The following HIVEP1 variants were observed in gnomAD, a reference collection of about 807,000 sequenced individuals.
The protein encoded by HIVEP1 is zinc finger protein 40.
A neutral mutation model predicts 180.0 loss-of-function variants in HIVEP1; 36 were observed. That is an observed-to-expected ratio of 0.20 (90% CI 0.15 to 0.26). HIVEP1 has a LOEUF of 0.26. Among genes scored for constraint, HIVEP1 ranks in the 10% least tolerant of loss-of-function variants. The pLI is 1.00. For synonymous variants in HIVEP1, 1,239 were observed against 1,239.0 expected, an observed-to-expected ratio of 1.00 and a Z score of 0.00; for missense variants, 3,143 against 3,268.7, an observed-to-expected ratio of 0.96 and a Z score of 0.94.
At chr6:12,145,755 G>C (rs981797870) in intron 7 of HIVEP1, among the ~76,000 whole-genome samples, 3 of 152,040 alleles carry the variant, frequency 2.0e-5, no homozygotes, top group Non-Finnish European at 4.4e-5. Flanking sequence ...ACTTGTGTGC[G>C]TGTTTATTAT....
the HIVEP1 span, among the ~76,000 whole-genome samples, chr6:12,200,269 T>C: frequency 6.6e-6 from 1 of 152,192 alleles, no homozygotes; most frequent in Non-Finnish European, 1.5e-5. Context: ...CCAAAGTTAC[T>C]ACCCCTTCCC....
At chr6:12,008,406 G>C (rs567811440), upstream of HIVEP1, 1 of 152,336 alleles carries the variant, frequency 6.6e-6, no homozygotes, top group South Asian at 2.1e-4. Flanking sequence ...GAGGGAAAAT[G>C]AATCTAATGT....
In HIVEP1 at chr6:12,120,438, TCAC is replaced by T. The variant is rs1182961217; in HGVS notation, c.645_647del (p.Pro216del). On this transcript the variant is annotated inframe_deletion, in exon 4 of 9. Coordinates refer to ENST00000379388, the MANE Select transcript of HIVEP1 (RefSeq NM_002114.4). Reference sequence around the variant, plus strand: ...ACTGAGCACCTTGTCACAAAAGGGCTCACCTTGTGCAATTAAGACAGAAAAACT... The same window carrying T: ...ACTGAGCACCTTGTCACAAAAGGGCTCTTGTGCAATTAAGACAGAAAAACT... 8 of 1,613,986 alleles carry T rather than the reference TCAC, an allele frequency of 5.0e-6. No individual in the cohort carries two copies. In the South Asian group the frequency reaches 8.8e-5, roughly 18 times the overall value.
At chr6:12,042,329 C>T (rs1769822333) in intron 2 of HIVEP1, among the ~76,000 whole-genome samples, 1 of 149,948 alleles carries the variant, frequency 6.7e-6, no homozygotes, top group Admixed American at 6.6e-5. Context: ...GATCCACCCG[C>T]CTCGGCCTCC....
the HIVEP1 span, among the ~76,000 whole-genome samples, chr6:12,199,827 C>G: frequency 6.6e-6 from 1 of 152,226 alleles, no homozygotes; most frequent in African/African-American, 2.4e-5. Context: ...TAGTACAGAG[C>G]CTAACCTTTG....
chr6:12,027,305 A>G (rs79745010), intron 2 of HIVEP1, among the ~76,000 whole-genome samples: 1,690 of 152,326 alleles, frequency 0.011, 12 homozygotes, highest in Non-Finnish European at 0.02. Context: ...TTAGTATGTG[A>G]GGGTCCGCTG....
chr6:12,194,168 A>G, the HIVEP1 span, among the ~76,000 whole-genome samples: 1 of 152,214 alleles, frequency 6.6e-6, no homozygotes, highest in African/African-American at 2.4e-5. Flanking sequence ...ATTTTAAAAT[A>G]GTGGATTGAA....
chr6:12,151,133 A>G (rs1759679666), intron 7 of HIVEP1, among the ~76,000 whole-genome samples: 1 of 152,260 alleles, frequency 6.6e-6, no homozygotes, highest in African/African-American at 2.4e-5. Flanking sequence ...AAATGTATCA[A>G]AACTTTGACA....
chr6:12,065,958 T>C (rs1056952423), intron 2 of HIVEP1, among the ~76,000 whole-genome samples: 1 of 152,108 alleles, frequency 6.6e-6, no homozygotes, highest in Non-Finnish European at 1.5e-5. Flanking sequence ...CAGTAGGGCC[T>C]GAAGTGCGAG....
chr6:12,067,077 C>G (rs1374078799), intron 2 of HIVEP1, among the ~76,000 whole-genome samples: 1 of 151,942 alleles, frequency 6.6e-6, no homozygotes, highest in African/African-American at 2.4e-5. Flanking sequence ...AAGTATTAGT[C>G]TTTGGAAAAT....
the HIVEP1 span, among the ~76,000 whole-genome samples, chr6:12,175,758 G>C: frequency 6.6e-6 from 1 of 152,216 alleles, no homozygotes; most frequent in Non-Finnish European, 1.5e-5. Context: ...AAAATGTGGA[G>C]TCTTTCTGTG....
the HIVEP1 span, among the ~76,000 whole-genome samples, chr6:12,193,431 T>C: frequency 6.6e-6 from 1 of 152,206 alleles, no homozygotes; most frequent in Non-Finnish European, 1.5e-5. Context: ...TGACTCATAT[T>C]GTCAAAATGT....
chr6:12,047,283 G>A (rs1326111604), intron 2 of HIVEP1, among the ~76,000 whole-genome samples: 1 of 152,250 alleles, frequency 6.6e-6, no homozygotes, highest in Admixed American at 6.5e-5. Flanking sequence ...TTGGGACCAT[G>A]CTAGTGTCAA....
chr6:12,053,677 G>A (rs9942428), intron 2 of HIVEP1, among the ~76,000 whole-genome samples: 3,948 of 151,946 alleles, frequency 0.026, 180 homozygotes, highest in African/African-American at 0.09. Flanking sequence ...CTCTGTTGGG[G>A]GCTGTGTACT....
intron 7 of HIVEP1, among the ~76,000 whole-genome samples, chr6:12,142,334 A>G (rs1315297604): frequency 1.3e-5 from 2 of 152,260 alleles, no homozygotes; most frequent in Non-Finnish European, 2.9e-5. Flanking sequence ...CTTTGAAACC[A>G]GTGAGAACCA....
intron 2 of HIVEP1, among the ~76,000 whole-genome samples, chr6:12,044,955 T>C (rs886630425): frequency 2.6e-5 from 4 of 152,242 alleles, no homozygotes; most frequent in African/African-American, 9.6e-5. Context: ...CTGTGATGCT[T>C]GCCTGTAACC....
At chr6:12,170,452 T>C in the HIVEP1 span, among the ~76,000 whole-genome samples, 1 of 152,174 alleles carries the variant, frequency 6.6e-6, no homozygotes, top group African/African-American at 2.4e-5. Context: ...TAATCTTATG[T>C]AATCATTCCA....
intron 2 of HIVEP1, among the ~76,000 whole-genome samples, chr6:12,020,886 CTTTCTTT>C (rs1187554778): frequency 1.0e-5 from 1 of 99,106 alleles, no homozygotes; most frequent in Non-Finnish European, 2.0e-5. Flanking sequence ...TTCTTTCTTT[CTTTCTTT>C]TTTTTTTTTT....
chr6:12,081,639 A>C (rs776683905), intron 2 of HIVEP1, among the ~76,000 whole-genome samples: 11 of 151,846 alleles, frequency 7.2e-5, no homozygotes, highest in Non-Finnish European at 1.3e-4. Flanking sequence ...CACACCTCTT[A>C]TTCTTCTTGT....
Sources: gnomAD v4.1 joint callset for allele counts (sites outside exome capture counted in the v4.1 genomes callset) on GRCh38, gnomAD v4.1.1 for gene constraint, MANE v1.5 for transcripts, NCBI Gene and HGNC (gene_info 2026-07-23, HGNC 2026-07-21) for gene names.